Variants in DYNC1H1 observed in about 807,000 individuals in gnomAD.
DYNC1H1 encodes dynein cytoplasmic 1 heavy chain 1, also known as cytoplasmic dynein 1 heavy chain 1.
A neutral mutation model predicts 527.1 loss-of-function variants in DYNC1H1; 51 were observed. The ratio of observed to expected loss-of-function variants is 0.10; its 90% CI spans 0.08 to 0.12. DYNC1H1 has a LOEUF of 0.12. Among genes scored for constraint, DYNC1H1 ranks in the 10% least tolerant of loss-of-function variants. DYNC1H1 has a pLI of 1.00. For missense variants in DYNC1H1, 2,771 were observed against 5,971.8 expected (o/e 0.46, Z 17.66); for synonymous variants, 2,189 against 2,278.8 (o/e 0.96, Z 1.12).
chr14:102,049,613 T>A lies in DYNC1H1; in HGVS notation c.13515+31T>A. 5.0e-6 allele frequency: 8 copies of A among 1,613,164 alleles called. No homozygotes were observed. Among genetic ancestry groups the A allele is most frequent in the Non-Finnish European group, 6.8e-6 (8 of 1,179,980 alleles). On this transcript the variant is annotated intron_variant, in intron 75 of 77. Coordinates refer to ENST00000360184, the MANE Select transcript of DYNC1H1 (RefSeq NM_001376.5). The surrounding 1 kb of genome is among the most constrained non-coding windows in gnomAD (Gnocchi z 5.5). ...GGCGCTCCTGACGAGTCTCGGGTGG[T>A]CAGCAGCTGTCCTGGGCTGGGGTGG...
chr14:102,004,097 A>G lies in DYNC1H1; in HGVS notation c.4884-421A>G, dbSNP rs532463837. Reference sequence around the variant, plus strand: ...TCTACTAAAAATACAAAAAAAAATTAGCCGGGCGTGGTGGTGGGCGCCTGT... The same window carrying G: ...TCTACTAAAAATACAAAAAAAAATTGGCCGGGCGTGGTGGTGGGCGCCTGT... On this transcript the variant is annotated intron_variant, in intron 23 of 77. Coordinates refer to ENST00000360184, the MANE Select transcript of DYNC1H1 (RefSeq NM_001376.5). Among the ~76,000 whole-genome samples, 72 of 147,948 alleles carry G rather than the reference A, an allele frequency of 4.9e-4. 1 individual carries two copies. Among genetic ancestry groups the G allele is most frequent in the African/African-American group, 1.7e-3 (70 of 40,438 alleles).
chr14:102,047,589 A>G (rs2048737220), intron 72 of DYNC1H1: 6 of 325,514 alleles, frequency 1.8e-5, no homozygotes, highest in Non-Finnish European at 3.3e-5. Flanking sequence ...ACACATACGT[A>G]TATATATATA....
Position 102,020,138 on chromosome 14 carries a change from G to C in DYNC1H1, c.8507+82G>C. ...GCTGTCGAAGCTGGGGTCTTTGCAG[G>C]GGTGGTCTGCCTAAGTTAGAGCCAG... On this transcript the variant is annotated intron_variant, in intron 42 of 77. Coordinates refer to ENST00000360184, the MANE Select transcript of DYNC1H1 (RefSeq NM_001376.5). The surrounding 1 kb of genome is among the most constrained non-coding windows in gnomAD (Gnocchi z 4.3). 1 of 1,559,286 alleles carries C rather than the reference G, an allele frequency of 6.4e-7. No homozygotes were observed. The highest frequency in any genetic ancestry group is 1.4e-5 in the African/African-American group (1 of 73,578).
chr14:101,968,403 C>G (rs934873464), intron 1 of DYNC1H1, among the ~76,000 whole-genome samples: 1 of 151,862 alleles, frequency 6.6e-6, no homozygotes, highest in African/African-American at 2.4e-5. Flanking sequence ...AGTTCATTTT[C>G]TCATTTTTTT....
chr14:101,984,401 A>ATGTGTGTGTGTGTGTGTGTG (rs34162363), intron 7 of DYNC1H1, among the ~76,000 whole-genome samples: 3 of 102,446 alleles, frequency 2.9e-5, no homozygotes, highest in African/African-American at 1.4e-4. Flanking sequence ...ATGCGTATAT[A>ATGTGTGTGTGTGTGTGTGTG]TGTGTGTGTG....
rs531033645 is a variant in DYNC1H1 at position 102,016,545 on chromosome 14, T to C, written c.7614+56T>C. 146 of 1,613,896 alleles carry C rather than the reference T, an allele frequency of 9.0e-5. 2 individuals carry two copies. In the South Asian group the frequency reaches 1.6e-3, roughly 17 times the overall value. ...ATTCTCGCCTTGTTGATTTAACTCATCCTGGAACAAGCTGACCATGGACCT... is the reference window on the plus strand; with the variant it reads ...ATTCTCGCCTTGTTGATTTAACTCACCCTGGAACAAGCTGACCATGGACCT... On this transcript the variant is annotated intron_variant, in intron 37 of 77. Coordinates refer to ENST00000360184, the MANE Select transcript of DYNC1H1 (RefSeq NM_001376.5). The surrounding 1 kb of genome is among the most constrained non-coding windows in gnomAD (Gnocchi z 7.3).
intron 73 of DYNC1H1, 49 bp downstream of exon 73, chr14:102,048,077 G>T: frequency 6.4e-7 from 1 of 1,571,274 alleles, no homozygotes; most frequent in Non-Finnish European, 8.6e-7. Flanking sequence ...CCCAGGTGCT[G>T]GGTATGGTCA....
In DYNC1H1 at chr14:102,039,830, CTTTTATTTTCTT is replaced by C. The variant is rs148927876; in HGVS notation, c.11690+100_11690+111del. 0.17 allele frequency: 231,656 copies of C among 1,382,844 alleles called. 24,539 individuals are homozygous for C. The highest frequency in any genetic ancestry group is 0.52 in the African/African-American group (36,363 of 69,572). The allele number at this position is 1,382,844 out of a possible 1,614,324, so 85.7% of individuals were successfully genotyped here. ...GCTTTTATTATTTCTTTTATTTTCT[CTTTTATTTTCTT>C]TATTTTATTTTTTGAGACGGAGTCT... is the stretch of plus-strand genomic sequence containing the variant. On this transcript the variant is annotated intron_variant, in intron 62 of 77. Coordinates refer to ENST00000360184, the MANE Select transcript of DYNC1H1 (RefSeq NM_001376.5). The surrounding 1 kb of genome is among the most constrained non-coding windows in gnomAD (Gnocchi z 7.0).
intron 8 of DYNC1H1, among the ~76,000 whole-genome samples, chr14:101,987,089 C>T (rs934379135): frequency 5.3e-5 from 8 of 152,240 alleles, no homozygotes; most frequent in Admixed American, 6.5e-5. Flanking sequence ...GAAGGCCTTA[C>T]CCAGAGCCTG....
At chr14:102,019,378 TG>T (rs1373077811) in intron 41 of DYNC1H1, among the ~76,000 whole-genome samples, 1 of 152,254 alleles carries the variant, frequency 6.6e-6, no homozygotes, top group Non-Finnish European at 1.5e-5. Flanking sequence ...AGCCGCCAAC[TG>T]CCCTGCTGTG....
In DYNC1H1 at chr14:102,039,786, G is replaced by T; in HGVS notation, c.11690+54G>T. 1.3e-6 allele frequency: 2 copies of T among 1,571,726 alleles called. No homozygotes were observed. Among genetic ancestry groups the T allele is most frequent in the South Asian group, 2.2e-5 (2 of 90,178 alleles). On this transcript the variant is annotated intron_variant, in intron 62 of 77. Coordinates refer to ENST00000360184, the MANE Select transcript of DYNC1H1 (RefSeq NM_001376.5). The surrounding 1 kb of genome is among the most constrained non-coding windows in gnomAD (Gnocchi z 7.0). ...GCCATATTGCTGGTGGCCCCCAAGG[G>T]TTTCATGATCAGATACATGCTTTTA...
At position 102,001,367 on chromosome 14, in the gene DYNC1H1, A is replaced by G. The variant is rs527270069; in HGVS notation, c.4395+13A>G. The G allele has an allele frequency of 6.2e-7, 1 of 1,614,082 alleles. No individual in the cohort carries two copies. Among genetic ancestry groups the G allele is most frequent in the South Asian group, 1.1e-5 (1 of 91,072 alleles). On this transcript the variant is annotated intron_variant, in intron 20 of 77. Transcript: ENST00000360184. The surrounding 1 kb of genome is among the most constrained non-coding windows in gnomAD (Gnocchi z 5.0). Reference sequence around the variant, plus strand: ...ATTTTTGAAGCAGGCGAGTAATAGGACTGAACGGCTGCTTTACGTTGTGTT... The same window carrying G: ...ATTTTTGAAGCAGGCGAGTAATAGGGCTGAACGGCTGCTTTACGTTGTGTT...
At position 102,012,004 on chromosome 14, in the gene DYNC1H1, G is replaced by A; in HGVS notation, c.6748G>A (p.Val2250Met). 1 of 1,614,132 alleles carries A rather than the reference G, an allele frequency of 6.2e-7. No homozygotes were observed. Among genetic ancestry groups the A allele is most frequent in the Non-Finnish European group, 8.5e-7 (1 of 1,180,036 alleles). The change falls in exon 33 of 78, where the codon GTG becomes ATG. Residue 2250 changes from valine (V) to methionine (M), a missense_variant. Physicochemically the swap from Val to Met is conservative, Grantham distance 21. Transcript: ENST00000360184. This position sits in a 1 kb window ranked among gnomAD's most constrained non-coding sequence, Gnocchi z 4.9. ...ALERLEGVEG[V>M]AHIIDPKAIS... is the part of the protein sequence containing the mutation. Reference sequence around the variant, plus strand: ...GGAGAGACTCGAGGGTGTGGAAGGTGTGGCCCATATCATCGACCCCAAGGC... The same window carrying A: ...GGAGAGACTCGAGGGTGTGGAAGGTATGGCCCATATCATCGACCCCAAGGC...
chr14:102,011,212 A>AGGATCACTCAAACCTTATAC lies in DYNC1H1; in HGVS notation c.6618+261_6618+262insGATCACTCAAACCTTATACG. 1 of 512,642 alleles carries AGGATCACTCAAACCTTATAC rather than the reference A, an allele frequency of 2.0e-6. No individual in the cohort carries two copies. The allele number at this position is 512,642 out of a possible 1,614,324, so 31.8% of individuals were successfully genotyped here. ...TGCTAAGTGCATGACTATATTGGAA[A>AGGATCACTCAAACCTTATAC]GTTGTTTATACTGATAAAAATTCTG... is the stretch of plus-strand genomic sequence containing the variant. On this transcript the variant is annotated intron_variant, in intron 32 of 77. Transcript: ENST00000360184. The surrounding 1 kb of genome is among the most constrained non-coding windows in gnomAD (Gnocchi z 5.3).
intron 1 of DYNC1H1, among the ~76,000 whole-genome samples, chr14:101,967,765 T>C (rs2047684354): frequency 6.6e-6 from 1 of 152,158 alleles, no homozygotes; most frequent in South Asian, 2.1e-4. Context: ...AGTTTGACGC[T>C]GTGGTGAACT....
At position 102,049,272 on chromosome 14, in the gene DYNC1H1, G is replaced by A. The variant is rs551687885; in HGVS notation, c.13373-168G>A. ...GACCAGCCTGAGCTAGAGCAGATGT[G>A]GTGAGGGCGGCGCCAGGGGCATAAA... On this transcript the variant is annotated intron_variant, in intron 74 of 77. Transcript: ENST00000360184. The surrounding 1 kb of genome is among the most constrained non-coding windows in gnomAD (Gnocchi z 5.5). 10 of 885,064 alleles carry A rather than the reference G, an allele frequency of 1.1e-5. No homozygotes were observed. In the South Asian group the frequency reaches 1.4e-4, roughly 12 times the overall value. The allele number at this position is 885,064 out of a possible 1,614,324, so 54.8% of individuals were successfully genotyped here. A position where few individuals can be genotyped will look rare whatever the true frequency, so the allele number is the denominator to read the frequency against.
intron 4 of DYNC1H1, 60 bp from the exon 5 acceptor site, chr14:101,980,304 G>T: frequency 6.3e-7 from 1 of 1,586,902 alleles, no homozygotes; most frequent in South Asian, 1.1e-5. Flanking sequence ...TTTTGTTAAC[G>T]ATATCTATTC....
Position 101,985,373 on chromosome 14 carries a change from G to A in DYNC1H1, c.1462-314G>A, listed in dbSNP as rs1362790857. Among the ~76,000 whole-genome samples the A allele has an allele frequency of 1.3e-5, 2 of 151,928 alleles. No homozygotes were observed. Among genetic ancestry groups the A allele is most frequent in the Non-Finnish European group, 2.9e-5 (2 of 67,988 alleles). On this transcript the variant is annotated intron_variant, in intron 7 of 77. Coordinates refer to ENST00000360184, the MANE Select transcript of DYNC1H1 (RefSeq NM_001376.5). This position sits in a 1 kb window ranked among gnomAD's most constrained non-coding sequence, Gnocchi z 5.9. ...GGAGTCTTGCTGTGTCGCCCAGGCT[G>A]GAGTGCAGTGGCGTGATCTTGGCTC...
Position 102,048,673 on chromosome 14 carries a change from C to T in DYNC1H1, c.13372+4C>T, listed in dbSNP as rs17541657. Reference sequence around the variant, plus strand: ...CTGATCAACGAGCTAGTGAAAGGTGCGTGAGAGGCCGAACTCGTGGTGTGG... The same window carrying T: ...CTGATCAACGAGCTAGTGAAAGGTGTGTGAGAGGCCGAACTCGTGGTGTGG... On this transcript the variant is annotated splice_donor_region_variant and intron_variant, in intron 74 of 77. Transcript: ENST00000360184. 7.3e-3 allele frequency: 11,694 copies of T among 1,612,364 alleles called. 691 individuals carry two copies. In the African/African-American group the frequency reaches 0.13, roughly 19 times the overall value.
Sources: allele counts gnomAD v4.1 joint callset (sites outside exome capture counted in the v4.1 genomes callset), GRCh38; gene constraint gnomAD v4.1.1; non-coding constraint Gnocchi (gnomAD v3.1); transcripts MANE v1.5; gene names NCBI Gene and HGNC (gene_info 2026-07-23, HGNC 2026-07-21).